SYCP1: variants seen among roughly 807,000 people sequenced by gnomAD.
SYCP1 encodes synaptonemal complex protein 1, also known as cancer/testis antigen 8.
SYCP1 carries 64 observed loss-of-function variants against 153.1 expected under a neutral mutation model. That is an observed-to-expected ratio of 0.42 (90% CI 0.34 to 0.51). The LOEUF (loss-of-function observed/expected upper bound fraction) is 0.51, where lower values mean the gene tolerates loss of function less well. Ranked by LOEUF, SYCP1 falls within the 20% of genes least tolerant of loss-of-function variation. SYCP1 has a pLI of 0.06. For missense variants in SYCP1, 997 were observed against 1,049.0 expected, an observed-to-expected ratio of 0.95 and a Z score of 0.68; for synonymous variants, 384 against 341.8, an observed-to-expected ratio of 1.12 and a Z score of -1.36.
intron 8 of SYCP1, among the ~76,000 whole-genome samples, 172 bp downstream of exon 8, chr1:114,860,981 T>G (rs575593027): frequency 1.3e-5 from 2 of 152,294 alleles, no homozygotes; most frequent in Middle Eastern, 6.8e-3. Flanking sequence ...CTTTGACTTT[T>G]GAAAGCTCAA....
At chr1:114,894,866 G>T (rs1488115926) in intron 15 of SYCP1, among the ~76,000 whole-genome samples, 1 of 152,108 alleles carries the variant, frequency 6.6e-6, no homozygotes, top group Non-Finnish European at 1.5e-5. Context: ...ATAGGAATTT[G>T]TTGGAAAAAC....
chr1:114,923,421 A>G (rs759206077), intron 20 of SYCP1, 28 bp from the exon 21 acceptor site: 2 of 1,537,880 alleles, frequency 1.3e-6, no homozygotes, highest in Non-Finnish European at 1.8e-6. Flanking sequence ...AATTTTTAGT[A>G]TAATGTCACT....
In SYCP1 at chr1:114,867,442, A is replaced by G. The variant is rs185117626; in HGVS notation, c.598+6633A>G. 2.0e-3 allele frequency among the ~76,000 whole-genome samples: 308 copies of G among 152,234 alleles called. 3 individuals are homozygous for G. Among genetic ancestry groups the G allele is most frequent in the Non-Finnish European group, 5.9e-4 (40 of 67,974 alleles). On this transcript the variant is annotated intron_variant, in intron 8 of 31. Transcript: ENST00000369522. The stretch of plus-strand genomic sequence containing the variant: ...ATTTGATTGTTTTCATCAAAATTTT[A>G]TAGTTTTCCTCATATAGATCTTGCA...
At chr1:114,893,136 G>A (rs890978950) in intron 15 of SYCP1, among the ~76,000 whole-genome samples, 1 of 152,188 alleles carries the variant, frequency 6.6e-6, no homozygotes, top group Non-Finnish European at 1.5e-5. Flanking sequence ...GTTATTCTTT[G>A]TGGAGGAGGT....
intron 15 of SYCP1, among the ~76,000 whole-genome samples, chr1:114,892,632 T>G (rs897207411): frequency 6.6e-6 from 1 of 152,134 alleles, no homozygotes; most frequent in African/African-American, 2.4e-5. Flanking sequence ...CATTGGCTTA[T>G]GCTTTGGCTC....
chr1:114,896,584 C>T (rs1004009015), intron 16 of SYCP1, among the ~76,000 whole-genome samples: 1 of 152,162 alleles, frequency 6.6e-6, no homozygotes, highest in Non-Finnish European at 1.5e-5. Flanking sequence ...GTGGCTGGCA[C>T]ATAGTAGGTG....
intron 27 of SYCP1, among the ~76,000 whole-genome samples, chr1:114,951,840 C>T (rs190159781): frequency 3.9e-5 from 6 of 152,192 alleles, no homozygotes; most frequent in Admixed American, 3.3e-4. Flanking sequence ...ACATGTTCTC[C>T]ATTTCTATAA....
intron 23 of SYCP1, among the ~76,000 whole-genome samples, chr1:114,927,576 T>C (rs1669339247): frequency 6.6e-6 from 1 of 152,022 alleles, no homozygotes; most frequent in African/African-American, 2.4e-5. Context: ...AACTGAAAAG[T>C]AAAATGTCTT....
intron 30 of SYCP1, among the ~76,000 whole-genome samples, chr1:114,992,597 G>T (rs1570933517): frequency 1.3e-5 from 2 of 151,480 alleles, no homozygotes; most frequent in Admixed American, 1.3e-4. Context: ...CATGTCAAAA[G>T]AATTAAGTTG....
At position 114,974,100 on chromosome 1, in the gene SYCP1, T is replaced by G. The variant is rs373296669; in HGVS notation, c.2323-3457T>G. 2.6e-5 allele frequency among the ~76,000 whole-genome samples: 4 copies of G among 151,876 alleles called. No homozygotes were observed. In the East Asian group the frequency reaches 7.7e-4, roughly 29 times the overall value. On this transcript the variant is annotated intron_variant, in intron 27 of 31. Coordinates refer to ENST00000369522, the MANE Select transcript of SYCP1 (RefSeq NM_003176.4). ...TTTGTCTCCTGTGTTTTTGTCTACTTTTTATTAACCTTGATTGAATCTGTA... is the reference window on the plus strand; with the variant it reads ...TTTGTCTCCTGTGTTTTTGTCTACTGTTTATTAACCTTGATTGAATCTGTA...
chr1:114,864,701 T>G (rs1306970336), intron 8 of SYCP1, among the ~76,000 whole-genome samples: 1 of 152,208 alleles, frequency 6.6e-6, no homozygotes, highest in South Asian at 2.1e-4. Context: ...TTGCCCAGGA[T>G]AGTCTCAAAC....
chr1:114,922,334 A>G (rs1668948607), intron 20 of SYCP1, among the ~76,000 whole-genome samples: 1 of 152,124 alleles, frequency 6.6e-6, no homozygotes, highest in East Asian at 1.9e-4. Context: ...GTATTGCTAT[A>G]AAGAAATACC....
chr1:114,886,121 T>C lies in SYCP1; in HGVS notation c.1006-4T>C. ...GCTCTTGTTTTATACTTTATTTCATTTAGAGTACTCAAAAGGCTTTAGAGG... is the reference window on the plus strand; with the variant it reads ...GCTCTTGTTTTATACTTTATTTCATCTAGAGTACTCAAAAGGCTTTAGAGG... On this transcript the variant is annotated splice_polypyrimidine_tract_variant and splice_region_variant and intron_variant, in intron 13 of 31. Coordinates refer to ENST00000369522, the MANE Select transcript of SYCP1 (RefSeq NM_003176.4). 1 of 1,573,604 alleles carries C rather than the reference T, an allele frequency of 6.4e-7. No individual in the cohort carries two copies. Among genetic ancestry groups the C allele is most frequent in the South Asian group, 1.2e-5 (1 of 84,016 alleles).
At chr1:114,892,880 G>A (rs1666818070) in intron 15 of SYCP1, among the ~76,000 whole-genome samples, 1 of 152,038 alleles carries the variant, frequency 6.6e-6, no homozygotes, top group African/African-American at 2.4e-5. Context: ...GTAGTCTCCT[G>A]GGGGCTGGGC....
chr1:114,994,989 AC>A lies in SYCP1; in HGVS notation c.2902del (p.Leu968Ter), dbSNP rs1222803660. ...TTGCTAAAATGGATAGAAAAAAAAAACTAAAAGAAGCTGAAAAGTTATTTGT... is the reference window on the plus strand; with the variant it reads ...TTGCTAAAATGGATAGAAAAAAAAAATAAAAGAAGCTGAAAAGTTATTTGT... ...VIAKMDRKKK[L>X]KEAEKLFV is the part of the protein sequence containing the mutation. On this transcript the variant is annotated frameshift_variant, in exon 32 of 32. Transcript: ENST00000369522. LOFTEE classifies it high-confidence loss of function. 2 of 1,602,224 alleles carry A rather than the reference AC, an allele frequency of 1.2e-6. No individual in the cohort carries two copies. The highest frequency in any genetic ancestry group is 1.7e-6 in the Non-Finnish European group (2 of 1,175,002).
At chr1:114,897,972 T>C (rs1340468792) in intron 16 of SYCP1, among the ~76,000 whole-genome samples, 1 of 152,236 alleles carries the variant, frequency 6.6e-6, no homozygotes. Flanking sequence ...TCTCCCCTGC[T>C]GTCAGTAGCC....
Position 114,876,894 on chromosome 1 carries a change from C to T in SYCP1, c.801+84C>T, listed in dbSNP as rs1570680484. On this transcript the variant is annotated intron_variant, in intron 11 of 31. Coordinates refer to ENST00000369522, the MANE Select transcript of SYCP1 (RefSeq NM_003176.4). ...AAATTTCAAAAGAAGTTTATATTTA[C>T]TGAAAGTATGATAAATTCCTATGAG... 94 of 671,832 alleles carry T rather than the reference C, an allele frequency of 1.4e-4. 2 individuals carry two copies. The East Asian group carries it at 3.6e-3, about 26-fold the overall frequency. The allele number at this position is 671,832 out of a possible 1,614,324, so 41.6% of individuals were successfully genotyped here.
chr1:114,862,630 C>T (rs185077170), intron 8 of SYCP1, among the ~76,000 whole-genome samples: 61 of 152,220 alleles, frequency 4.0e-4, no homozygotes, highest in African/African-American at 1.2e-3. Context: ...TGAGCCACTG[C>T]GCTGGGCGAT....
intron 8 of SYCP1, among the ~76,000 whole-genome samples, chr1:114,861,883 G>A (rs1348689890): frequency 7.2e-6 from 1 of 139,246 alleles, no homozygotes; most frequent in Non-Finnish European, 1.5e-5. Flanking sequence ...CTCTGCAACC[G>A]CTGCCTCCTG....
Sources: allele counts gnomAD v4.1 joint callset (sites outside exome capture counted in the v4.1 genomes callset), GRCh38; gene constraint gnomAD v4.1.1; transcripts MANE v1.5; gene names NCBI Gene and HGNC (gene_info 2026-07-23, HGNC 2026-07-21).